CACNA2D3: variants seen among roughly 807,000 people sequenced by gnomAD.
The protein encoded by CACNA2D3 is voltage-dependent calcium channel subunit alpha-2/delta-3.
A neutral mutation model predicts 160.6 loss-of-function variants in CACNA2D3; 60 were observed. The observed-to-expected ratio is 0.37, with a 90% confidence interval of 0.30 to 0.46. CACNA2D3 has a LOEUF of 0.46. CACNA2D3 is among the 20% of genes least tolerant of loss of function. CACNA2D3 has a pLI of 1.00. For missense variants in CACNA2D3, 1,205 were observed against 1,365.0 expected (o/e 0.88, Z 1.85); for synonymous variants, 558 against 492.9 (o/e 1.13, Z -1.75).
At chr3:54,265,271 A>T (rs1702478823) in intron 2 of CACNA2D3, among the ~76,000 whole-genome samples, 1 of 152,148 alleles carries the variant, frequency 6.6e-6, no homozygotes, top group Non-Finnish European at 1.5e-5. Flanking sequence ...TTTAATGATT[A>T]CTATTCTAAC....
At chr3:54,931,048 A>T (rs1701175966) in intron 27 of CACNA2D3, among the ~76,000 whole-genome samples, 1 of 152,196 alleles carries the variant, frequency 6.6e-6, no homozygotes, top group African/African-American at 2.4e-5. Context: ...GTGAGCCGAG[A>T]TCGTGCCACT....
intron 2 of CACNA2D3, among the ~76,000 whole-genome samples, chr3:54,208,599 C>T (rs954628309): frequency 1.3e-5 from 2 of 152,156 alleles, no homozygotes; most frequent in Admixed American, 1.3e-4. Context: ...CTTACCAGTG[C>T]CAGCCCCTTG....
At chr3:54,642,367 TTG>T (rs1699541173) in intron 11 of CACNA2D3, 126 bp downstream of exon 11, 1 of 536,062 alleles carries the variant, frequency 1.9e-6, no homozygotes, top group Non-Finnish European at 3.1e-6. Context: ...TTTCTCAGCC[TTG>T]TGTTTTTTGG....
intron 17 of CACNA2D3, among the ~76,000 whole-genome samples, chr3:54,860,324 T>C (rs1330992265): frequency 1.3e-5 from 2 of 152,176 alleles, no homozygotes; most frequent in African/African-American, 4.8e-5. Flanking sequence ...CCAGTTAAAA[T>C]ATTCTGATTC....
intron 27 of CACNA2D3, among the ~76,000 whole-genome samples, chr3:54,962,214 A>C (rs771872104): frequency 6.6e-6 from 1 of 152,218 alleles, no homozygotes; most frequent in Non-Finnish European, 1.5e-5. Flanking sequence ...TTCAAACCAT[A>C]GCACAGGTTT....
At chr3:54,414,804 T>C (rs941414549) in intron 4 of CACNA2D3, among the ~76,000 whole-genome samples, 1 of 67,306 alleles carries the variant, frequency 1.5e-5, no homozygotes, top group Non-Finnish European at 2.9e-5. Context: ...CTTTTAACTT[T>C]TTTTTTTTTT....
Position 54,560,509 on chromosome 3 carries a change from A to C in CACNA2D3, c.545-2291A>C, listed in dbSNP as rs143272414. On this transcript the variant is annotated intron_variant, in intron 5 of 37. Transcript: ENST00000474759. ...TTTGTCAGATGCATAATTTGCAAAA[A>C]TTTTCTCCTATTCTGTAGGTTGTCT... Among the ~76,000 whole-genome samples the C allele has an allele frequency of 9.9e-5, 15 of 152,148 alleles. No homozygotes were observed. In the East Asian group the frequency reaches 2.7e-3, roughly 27 times the overall value.
intron 17 of CACNA2D3, among the ~76,000 whole-genome samples, chr3:54,856,109 C>T (rs565848331): frequency 6.6e-6 from 1 of 152,278 alleles, no homozygotes; most frequent in South Asian, 2.1e-4. Flanking sequence ...GTGTTTTGTT[C>T]AGCTTTGTAT....
chr3:54,828,087 G>A (rs992622730), intron 14 of CACNA2D3, among the ~76,000 whole-genome samples: 1 of 152,234 alleles, frequency 6.6e-6, no homozygotes, highest in Middle Eastern at 3.4e-3. Flanking sequence ...TTTCCACTTA[G>A]TTAGGGAAGG....
intron 4 of CACNA2D3, among the ~76,000 whole-genome samples, chr3:54,423,232 A>T (rs1699864871): frequency 6.6e-6 from 1 of 152,196 alleles, no homozygotes; most frequent in African/African-American, 2.4e-5. Context: ...CTTATCTGGG[A>T]TGCTTAGATT....
At chr3:54,973,597 G>C (rs766883900) in intron 29 of CACNA2D3, among the ~76,000 whole-genome samples, 13 of 152,102 alleles carry the variant, frequency 8.5e-5, no homozygotes, top group Non-Finnish European at 1.6e-4. Context: ...AATTATGACA[G>C]GGCAACGAGA....
intron 5 of CACNA2D3, among the ~76,000 whole-genome samples, chr3:54,525,464 C>T (rs925729746): frequency 6.6e-6 from 1 of 152,110 alleles, no homozygotes; most frequent in Non-Finnish European, 1.5e-5. Context: ...GTTATTTGCT[C>T]TAAGCATGCA....
intron 12 of CACNA2D3, among the ~76,000 whole-genome samples, chr3:54,754,889 GGA>G (rs1389626904): frequency 1.3e-5 from 2 of 152,132 alleles, no homozygotes; most frequent in Middle Eastern, 3.2e-3. Flanking sequence ...GGGGCATTTT[GGA>G]GAGAGGGGGG....
At chr3:54,811,465 CTTTTTTTTTT>C (rs71096451) in intron 13 of CACNA2D3, among the ~76,000 whole-genome samples, 6 of 111,618 alleles carry the variant, frequency 5.4e-5, no homozygotes, top group African/African-American at 1.7e-4. Flanking sequence ...TCCCTCAGTT[CTTTTTTTTTT>C]TTTTTTTTTT....
intron 25 of CACNA2D3, among the ~76,000 whole-genome samples, chr3:54,894,345 A>G (rs1700137042): frequency 6.6e-6 from 1 of 152,166 alleles, no homozygotes; most frequent in Non-Finnish European, 1.5e-5. Flanking sequence ...AATGGGGATC[A>G]AGTGCTGCAG....
At chr3:54,338,406 A>T (rs1704438511) in intron 3 of CACNA2D3, among the ~76,000 whole-genome samples, 1 of 150,510 alleles carries the variant, frequency 6.6e-6, no homozygotes, top group African/African-American at 2.5e-5. Context: ...GATACACTTG[A>T]CTTGAAAACA....
chr3:54,668,383 A>T (rs1235261160), intron 11 of CACNA2D3, among the ~76,000 whole-genome samples: 3 of 152,176 alleles, frequency 2.0e-5, no homozygotes, highest in African/African-American at 7.2e-5. Context: ...TGGAGCTAGG[A>T]TGATGGGTCT....
intron 4 of CACNA2D3, among the ~76,000 whole-genome samples, chr3:54,465,639 C>A (rs570147406): frequency 2.1e-4 from 32 of 152,278 alleles, no homozygotes; most frequent in African/African-American, 6.7e-4. Context: ...CATTTTGGAA[C>A]CCTCTAGCAC....
chr3:54,146,600 G>GT (rs1576957834), intron 2 of CACNA2D3, among the ~76,000 whole-genome samples: 7 of 152,292 alleles, frequency 4.6e-5, no homozygotes, highest in East Asian at 3.9e-4. Context: ...GGGAAGGGGG[G>GT]CGTGGCCTAG....
Sources: allele counts gnomAD v4.1 joint callset (sites outside exome capture counted in the v4.1 genomes callset), GRCh38; gene constraint gnomAD v4.1.1; transcripts MANE v1.5; gene names NCBI Gene and HGNC (gene_info 2026-07-23, HGNC 2026-07-21).